The following MICAL2 variants were observed in gnomAD, a reference collection of about 807,000 sequenced individuals.
MICAL2 encodes the protein microtubule associated monooxygenase, calponin and LIM domain containing 2.
Under a neutral mutation model 127.3 loss-of-function variants are expected in MICAL2, and 77 were observed. The ratio of observed to expected loss-of-function variants is 0.60; its 90% CI spans 0.50 to 0.73. The LOEUF is 0.73. MICAL2 is among the 30% of genes least tolerant of loss of function. MICAL2 has a pLI of 0.00. For missense variants in MICAL2, 1,351 were observed against 1,434.4 expected (o/e 0.94, Z 0.94); for synonymous variants, 570 against 551.1 (o/e 1.03, Z -0.48).
At chr11:12,239,894 A>T (rs1859630615) in intron 17 of MICAL2, among the ~76,000 whole-genome samples, 1 of 152,268 alleles carries the variant, frequency 6.6e-6, no homozygotes, top group Non-Finnish European at 1.5e-5. Flanking sequence ...GGAGCAGGCC[A>T]GGTATGGCCC....
At chr11:12,325,098 T>C (rs1864340165) in intron 31 of MICAL2, among the ~76,000 whole-genome samples, 1 of 151,998 alleles carries the variant, frequency 6.6e-6, no homozygotes, top group Non-Finnish European at 1.5e-5. Flanking sequence ...TCCTTAGTTG[T>C]TGTTTTTTGT....
At chr11:12,179,089 T>C (rs940677830) in intron 3 of MICAL2, among the ~76,000 whole-genome samples, 1 of 152,136 alleles carries the variant, frequency 6.6e-6, no homozygotes, top group African/African-American at 2.4e-5. Context: ...CGGCTCAGAT[T>C]GTGACTGCCC....
At position 12,204,747 on chromosome 11, in the gene MICAL2, A is replaced by G. The variant is rs78635687; in HGVS notation, c.472+290A>G. ...TTGACTCATAGCAGATGCTTGATAAACATCTGTTGGATGATTGAGTGAAAC... is the reference window on the plus strand; with the variant it reads ...TTGACTCATAGCAGATGCTTGATAAGCATCTGTTGGATGATTGAGTGAAAC... On this transcript the variant is annotated intron_variant, in intron 4 of 27. Coordinates refer to ENST00000683283, the MANE Select transcript of MICAL2 (RefSeq NM_001282663.2). Among the ~76,000 whole-genome samples, 634 of 152,310 alleles carry G rather than the reference A, an allele frequency of 4.2e-3. 4 individuals are homozygous for G. The highest frequency in any genetic ancestry group is 0.015 in the African/African-American group (606 of 41,560).
downstream of MICAL2, among the ~76,000 whole-genome samples, chr11:12,361,347 A>T (rs1175288123): frequency 6.6e-6 from 1 of 152,196 alleles, no homozygotes; most frequent in African/African-American, 2.4e-5. Context: ...AGATGCTGAG[A>T]TACAGAAAGA....
At chr11:12,138,867 C>G (rs1852077486) in intron 2 of MICAL2, among the ~76,000 whole-genome samples, 1 of 152,170 alleles carries the variant, frequency 6.6e-6, no homozygotes, top group Admixed American at 6.5e-5. Context: ...AAAGCTTCAT[C>G]ACAAACAGTG....
At chr11:12,228,179 A>G (rs966833485) in intron 15 of MICAL2, among the ~76,000 whole-genome samples, 1 of 152,130 alleles carries the variant, frequency 6.6e-6, no homozygotes, top group African/African-American at 2.4e-5. Context: ...AAATACAAAA[A>G]ATTAGCCAGG....
At chr11:12,240,050 T>G (rs1021256440) in intron 17 of MICAL2, among the ~76,000 whole-genome samples, 1 of 152,208 alleles carries the variant, frequency 6.6e-6, no homozygotes, top group Non-Finnish European at 1.5e-5. Context: ...GCTGGGAAAG[T>G]ACAAAGTCCA....
chr11:12,147,766 T>C (rs145308910), intron 2 of MICAL2, among the ~76,000 whole-genome samples: 6 of 152,274 alleles, frequency 3.9e-5, no homozygotes, highest in East Asian at 1.9e-4. Flanking sequence ...TCTCAGTAAA[T>C]TGAATGAATG....
At chr11:12,339,747 G>C (rs1021415800) in intron 32 of MICAL2, among the ~76,000 whole-genome samples, 1 of 152,184 alleles carries the variant, frequency 6.6e-6, no homozygotes, top group Admixed American at 6.5e-5. Context: ...AGCAGTGGTG[G>C]CTGCAGAACA....
chr11:12,340,759 CA>C (rs1455934494), intron 32 of MICAL2, among the ~76,000 whole-genome samples: 2 of 152,112 alleles, frequency 1.3e-5, no homozygotes, highest in Non-Finnish European at 2.9e-5. Flanking sequence ...GAATTTAAAA[CA>C]AGCAAGTTAT....
At chr11:12,131,521 G>T (rs1851419733) in intron 1 of MICAL2, among the ~76,000 whole-genome samples, 1 of 152,078 alleles carries the variant, frequency 6.6e-6, no homozygotes, top group Non-Finnish European at 1.5e-5. Context: ...CCCCAAGTCT[G>T]GATTCAGCCC....
At chr11:12,213,108 A>G in intron 6 of MICAL2, 147 bp from the exon 7 acceptor site, 1 of 912,348 alleles carries the variant, frequency 1.1e-6, no homozygotes, top group Non-Finnish European at 1.6e-6. Flanking sequence ...AAACTTCGGT[A>G]TTTCTGCCCG....
intron 3 of MICAL2, among the ~76,000 whole-genome samples, chr11:12,186,648 A>C (rs1376641678): frequency 6.6e-6 from 1 of 152,198 alleles, no homozygotes; most frequent in Non-Finnish European, 1.5e-5. Flanking sequence ...ACCCAGCTGC[A>C]AAACAAGGAC....
intron 22 of MICAL2, chr11:12,250,031 T>A (rs986968127): frequency 3.9e-5 from 6 of 152,154 alleles, no homozygotes; most frequent in Non-Finnish European, 7.3e-5. Flanking sequence ...CAGGATCACT[T>A]GGAAAATGCC....
intron 2 of MICAL2, among the ~76,000 whole-genome samples, chr11:12,285,775 T>C (rs1483354392): frequency 6.6e-6 from 1 of 152,168 alleles, no homozygotes; most frequent in Non-Finnish European, 1.5e-5. Flanking sequence ...GTGGAATATC[T>C]AGGACTGTTT....
At chr11:12,153,144 C>G (rs932131989) in intron 2 of MICAL2, 2 of 151,926 alleles carry the variant, frequency 1.3e-5, no homozygotes, top group African/African-American at 4.8e-5. Flanking sequence ...AATCCTCCCA[C>G]CTCAGTTCCC....
At chr11:12,331,087 C>A (rs1864422676) in intron 32 of MICAL2, among the ~76,000 whole-genome samples, 1 of 152,064 alleles carries the variant, frequency 6.6e-6, no homozygotes, top group Non-Finnish European at 1.5e-5. Context: ...AGCTCTGCAG[C>A]CACTTAGACT....
chr11:12,152,572 G>T (rs1437205331), intron 2 of MICAL2, among the ~76,000 whole-genome samples: 1 of 152,092 alleles, frequency 6.6e-6, no homozygotes, highest in African/African-American at 2.4e-5. Flanking sequence ...CTTCCCTGGG[G>T]TGTTGAAGAA....
chr11:12,325,995 A>G (rs1864349591), intron 31 of MICAL2, among the ~76,000 whole-genome samples: 1 of 152,212 alleles, frequency 6.6e-6, no homozygotes. Context: ...AGTTTTAAGT[A>G]GACTTTCCAT....
Sources: allele counts gnomAD v4.1 joint callset (sites outside exome capture counted in the v4.1 genomes callset), GRCh38; gene constraint gnomAD v4.1.1; transcripts MANE v1.5; gene names NCBI Gene and HGNC (gene_info 2026-07-23, HGNC 2026-07-21).